The following SHISA9 variants were observed in gnomAD, a reference collection of about 807,000 sequenced individuals.
The protein encoded by SHISA9 is protein shisa-9.
In SHISA9, 13 loss-of-function variants were observed where a neutral mutation model predicts 38.0. That is an observed-to-expected ratio of 0.34 (90% CI 0.22 to 0.54). SHISA9 has a LOEUF of 0.54. Among genes scored for constraint, SHISA9 ranks in the 20% least tolerant of loss-of-function variants. The probability of loss-of-function intolerance (pLI) is 0.91; values close to 1 mark genes in which losing one functional copy is unlikely to be tolerated. For missense variants in SHISA9, 538 were observed against 575.8 expected (o/e 0.93, Z 0.67); for synonymous variants, 275 against 242.0 (o/e 1.14, Z -1.27).
chr16:13,008,248 G>A (rs1209029456), intron 2 of SHISA9, among the ~76,000 whole-genome samples: 1 of 152,122 alleles, frequency 6.6e-6, no homozygotes, highest in Non-Finnish European at 1.5e-5. Context: ...TCCAAATTGT[G>A]AATGTGTGCA....
the SHISA9 span, among the ~76,000 whole-genome samples, chr16:13,361,686 C>T: frequency 2.6e-5 from 4 of 152,210 alleles, no homozygotes; most frequent in African/African-American, 9.7e-5. Flanking sequence ...TGCTGTTCCA[C>T]CTGCACGTCT....
the SHISA9 span, among the ~76,000 whole-genome samples, chr16:13,462,762 G>C: frequency 6.6e-6 from 1 of 151,960 alleles, no homozygotes; most frequent in Non-Finnish European, 1.5e-5. Flanking sequence ...AGAAGTTCGA[G>C]ACCAGCCTGG....
the SHISA9 span, among the ~76,000 whole-genome samples, chr16:13,538,603 G>T: frequency 6.6e-6 from 1 of 152,192 alleles, no homozygotes; most frequent in Non-Finnish European, 1.5e-5. Flanking sequence ...ATGGACTGAA[G>T]TGTTGGTGAG....
At chr16:13,126,137 C>A (rs776197284) in intron 2 of SHISA9, among the ~76,000 whole-genome samples, 1 of 152,174 alleles carries the variant, frequency 6.6e-6, no homozygotes, top group Admixed American at 6.5e-5. Context: ...TATGGAGGCT[C>A]ACAAAGATTC....
chr16:13,131,588 C>T (rs1307365521), intron 2 of SHISA9, among the ~76,000 whole-genome samples: 1 of 151,994 alleles, frequency 6.6e-6, no homozygotes, highest in African/African-American at 2.4e-5. Flanking sequence ...ATGCAGCAAA[C>T]CTGCACATCC....
At chr16:13,217,751 C>T (rs74735020) in intron 4 of SHISA9, among the ~76,000 whole-genome samples, 3,389 of 152,138 alleles carry the variant, frequency 0.022, 54 homozygotes, top group Non-Finnish European at 0.03. Context: ...TTCACTAGGC[C>T]GGGCGTGGTG....
chr16:13,279,200 T>G, the SHISA9 span, among the ~76,000 whole-genome samples: 1 of 152,028 alleles, frequency 6.6e-6, no homozygotes, highest in Admixed American at 6.6e-5. Flanking sequence ...TGCGTGGTTC[T>G]GAAGGTTCCT....
intron 2 of SHISA9, among the ~76,000 whole-genome samples, chr16:13,200,429 C>T (rs1347938146): frequency 3.8e-5 from 5 of 132,220 alleles, no homozygotes; most frequent in African/African-American, 1.4e-4. Context: ...CACACACACA[C>T]ACACACACAC....
At chr16:13,529,688 A>G in the SHISA9 span, among the ~76,000 whole-genome samples, 1 of 152,132 alleles carries the variant, frequency 6.6e-6, no homozygotes, top group African/African-American at 2.4e-5. Context: ...TTTTCCACCA[A>G]CAGTTTCCTT....
chr16:13,377,568 A>G, the SHISA9 span, among the ~76,000 whole-genome samples: 1 of 152,172 alleles, frequency 6.6e-6, no homozygotes. Context: ...ATCACCTTTA[A>G]TATGCTAATA....
chr16:13,144,319 A>C (rs1411006803), intron 2 of SHISA9, among the ~76,000 whole-genome samples: 1 of 151,810 alleles, frequency 6.6e-6, no homozygotes, highest in South Asian at 2.1e-4. Flanking sequence ...TGCCTAGCTA[A>C]TTTTTGTATT....
At chr16:13,079,707 A>T (rs567147305) in intron 2 of SHISA9, among the ~76,000 whole-genome samples, 1 of 152,302 alleles carries the variant, frequency 6.6e-6, no homozygotes, top group Non-Finnish European at 1.5e-5. Context: ...ACATTAGATC[A>T]ACATCACAAA....
the SHISA9 span, among the ~76,000 whole-genome samples, chr16:13,409,717 A>G: frequency 4.0e-4 from 61 of 152,372 alleles, no homozygotes; most frequent in African/African-American, 1.3e-3. Flanking sequence ...CAGCCTCTGC[A>G]GCACCAACTA....
At chr16:12,985,186 G>T (rs1172421092) in intron 2 of SHISA9, among the ~76,000 whole-genome samples, 1 of 143,922 alleles carries the variant, frequency 6.9e-6, no homozygotes, top group Non-Finnish European at 1.5e-5. Flanking sequence ...GCATTATGTT[G>T]TACACCACAA....
At chr16:13,216,067 G>A (rs1348937292) in intron 4 of SHISA9, among the ~76,000 whole-genome samples, 2 of 151,772 alleles carry the variant, frequency 1.3e-5, no homozygotes, top group Non-Finnish European at 2.9e-5. Flanking sequence ...CGTGCCTGTA[G>A]TCCCAGCTAC....
At chr16:13,234,710 G>A (rs974043940) in intron 4 of SHISA9, among the ~76,000 whole-genome samples, 1 of 152,100 alleles carries the variant, frequency 6.6e-6, no homozygotes, top group Non-Finnish European at 1.5e-5. Context: ...GAAACAACAC[G>A]CGAATTTCAT....
chr16:13,241,254 T>C (rs889138102), downstream of SHISA9, among the ~76,000 whole-genome samples: 5 of 152,086 alleles, frequency 3.3e-5, no homozygotes, highest in African/African-American at 7.2e-5. Context: ...GTGGCTCATG[T>C]CTGTAATTCC....
At chr16:13,313,661 G>T in the SHISA9 span, among the ~76,000 whole-genome samples, 1 of 152,134 alleles carries the variant, frequency 6.6e-6, no homozygotes, top group Admixed American at 6.5e-5. Context: ...TAATAACATA[G>T]AAAAATATTT....
chr16:13,178,326 G>GA lies in SHISA9; in HGVS notation c.692-25068_692-25067insA, dbSNP rs755572901. On this transcript the variant is annotated intron_variant, in intron 2 of 4. Transcript: ENST00000558583. Reference sequence around the variant, plus strand: ...TGAGTAAGCCCATCCCTCTCTCTGGGTTTTTTTTTTTTTTCTTTTCATCTG... The same window carrying GA: ...TGAGTAAGCCCATCCCTCTCTCTGGGATTTTTTTTTTTTTTCTTTTCATCTG... Among the ~76,000 whole-genome samples the GA allele has an allele frequency of 2.8e-5, 4 of 142,408 alleles. No homozygotes were observed. The East Asian group carries it at 8.1e-4, about 29-fold the overall frequency. 93.4% of individuals were successfully genotyped at this position (142,408 alleles called of 152,430 possible). A position where few individuals can be genotyped will look rare whatever the true frequency, so the allele number is the denominator to read the frequency against.
Sources: allele counts gnomAD v4.1 joint callset (sites outside exome capture counted in the v4.1 genomes callset), GRCh38; gene constraint gnomAD v4.1.1; transcripts MANE v1.5; gene names NCBI Gene and HGNC (gene_info 2026-07-23, HGNC 2026-07-21).